The following OR52N4 variants were observed in gnomAD, a reference collection of about 807,000 sequenced individuals.
The protein encoded by OR52N4 is olfactory receptor family 52 subfamily N member 4.
Under a neutral mutation model 15.0 loss-of-function variants are expected in OR52N4, and 15 were observed. That is an observed-to-expected ratio of 1.00 (90% CI 0.67 to 1.54). The LOEUF (loss-of-function observed/expected upper bound fraction) is 1.54, where lower values mean the gene tolerates loss of function less well. Among genes scored for constraint, OR52N4 ranks in the 40% most tolerant of loss-of-function variants. The pLI is 0.00. For missense variants in OR52N4, 421 were observed against 394.0 expected (o/e 1.07, Z -0.58); for synonymous variants, 143 against 143.7 (o/e 1.00, Z 0.03).
rs754490565 is a variant in OR52N4, at chr11:5,755,319, T to C, written c.579T>C (p.Asn193=). ...CTGTAGCCAAATTGTCCTGTGGTAA[T>C]GTCAAGGTCAATGCCATCTATGGTC... ...HMSVAKLSCG[N]VKVNAIYGLM... is the part of the protein sequence containing the mutation. Residue 193 remains asparagine (N), a synonymous_variant, in exon 2 of 2, where the codon AAT becomes AAC. Coordinates refer to ENST00000641350, the MANE Select transcript of OR52N4 (RefSeq NM_001005175.5). The C allele has an allele frequency of 3.1e-6, 5 of 1,614,070 alleles. No homozygotes were observed. Among genetic ancestry groups the C allele is most frequent in the Non-Finnish European group, 3.4e-6 (4 of 1,179,968 alleles).
the OR52N4 span, among the ~76,000 whole-genome samples, chr11:5,747,510 G>C: frequency 6.6e-6 from 1 of 151,620 alleles, no homozygotes; most frequent in Non-Finnish European, 1.5e-5. Context: ...TTTCCACAAT[G>C]TATGTGTATA....
At chr11:5,744,717 A>C in the OR52N4 span, among the ~76,000 whole-genome samples, 12 of 152,174 alleles carry the variant, frequency 7.9e-5, no homozygotes, top group Non-Finnish European at 4.4e-5. Flanking sequence ...GTTCGAGACC[A>C]GCCTGGCCAC....
At chr11:5,743,676 T>G in the OR52N4 span, among the ~76,000 whole-genome samples, 1 of 152,160 alleles carries the variant, frequency 6.6e-6, no homozygotes, top group Non-Finnish European at 1.5e-5. Flanking sequence ...TTTTAAACAT[T>G]GAAACACATG....
chr11:5,744,965 T>G, the OR52N4 span, among the ~76,000 whole-genome samples: 1 of 152,010 alleles, frequency 6.6e-6, no homozygotes, highest in Admixed American at 6.6e-5. Context: ...TTTTAATACA[T>G]GTGGAAAAAG....
At chr11:5,741,353 G>T in the OR52N4 span, among the ~76,000 whole-genome samples, 3 of 152,222 alleles carry the variant, frequency 2.0e-5, no homozygotes, top group East Asian at 3.8e-4. Context: ...ACCCTGGTCA[G>T]AATTCCTGGA....
chr11:5,755,310 C>G lies in OR52N4; in HGVS notation c.570C>G (p.Ser190=). The G allele has an allele frequency of 6.2e-7, 1 of 1,614,006 alleles. No homozygotes were observed. The highest frequency in any genetic ancestry group is 8.5e-7 in the Non-Finnish European group (1 of 1,179,954). ...ACCACATGTCTGTAGCCAAATTGTC[C>G]TGTGGTAATGTCAAGGTCAATGCCA... ...YCDHMSVAKL[S]CGNVKVNAIY... Residue 190 remains serine, a synonymous_variant, in exon 2 of 2, where the codon TCC becomes TCG. Coordinates refer to ENST00000641350, the MANE Select transcript of OR52N4 (RefSeq NM_001005175.5).
upstream of OR52N4, among the ~76,000 whole-genome samples, chr11:5,750,616 T>A (rs988721755): frequency 6.6e-6 from 1 of 151,956 alleles, no homozygotes; most frequent in Non-Finnish European, 1.5e-5. Context: ...TCACTGTCAG[T>A]TATTTTGCTT....
chr11:5,747,292 G>T, the OR52N4 span, among the ~76,000 whole-genome samples: 2 of 151,494 alleles, frequency 1.3e-5, no homozygotes, highest in African/African-American at 4.8e-5. Flanking sequence ...AAAATAGACA[G>T]ACCTCCTATC....
chr11:5,733,228 T>C, the OR52N4 span, among the ~76,000 whole-genome samples: 1 of 152,278 alleles, frequency 6.6e-6, no homozygotes, highest in African/African-American at 2.4e-5. Flanking sequence ...CTGACCACTA[T>C]GACCTCAACA....
the OR52N4 span, among the ~76,000 whole-genome samples, chr11:5,735,530 G>C: frequency 6.6e-6 from 1 of 151,986 alleles, no homozygotes; most frequent in Non-Finnish European, 1.5e-5. Flanking sequence ...ATTTGCTCCA[G>C]GCAGGTTGCA....
At chr11:5,743,573 A>G in the OR52N4 span, among the ~76,000 whole-genome samples, 1 of 152,222 alleles carries the variant, frequency 6.6e-6, no homozygotes. Flanking sequence ...AATTAATACC[A>G]AAAGGAAGTC....
chr11:5,727,656 G>A, the OR52N4 span, among the ~76,000 whole-genome samples: 1 of 152,116 alleles, frequency 6.6e-6, no homozygotes, highest in Non-Finnish European at 1.5e-5. Context: ...GTAAACATGG[G>A]AAGATTCTTG....
the OR52N4 span, among the ~76,000 whole-genome samples, chr11:5,741,071 G>A: frequency 1.3e-4 from 18 of 142,430 alleles, 4 homozygotes; most frequent in Admixed American, 3.5e-4. Context: ...TAATAAAGAA[G>A]TTTATGCAGG....
At chr11:5,751,050 C>A (rs2134211264), upstream of OR52N4, among the ~76,000 whole-genome samples, 1 of 151,912 alleles carries the variant, frequency 6.6e-6, no homozygotes. Context: ...GGAAAAAAAA[C>A]AATTTGGTAC....
the OR52N4 span, among the ~76,000 whole-genome samples, chr11:5,739,378 A>C: frequency 4.0e-5 from 5 of 124,900 alleles, 2 homozygotes; most frequent in African/African-American, 1.4e-4. Context: ...GTGAGAACCT[A>C]TCTCTATAAA....
chr11:5,737,728 AT>A, the OR52N4 span: 1 of 398,840 alleles, frequency 2.5e-6, no homozygotes, highest in South Asian at 5.1e-5. Context: ...ATCAAATTGG[AT>A]TTAAAGAACT....
the OR52N4 span, chr11:5,737,610 A>T: frequency 1.1e-6 from 1 of 900,124 alleles, no homozygotes; most frequent in South Asian, 2.5e-5. Flanking sequence ...TTGTATGTAA[A>T]TAATTGTGAA....
At chr11:5,752,911 TAA>T (rs1414188382), upstream of OR52N4, among the ~76,000 whole-genome samples, 3 of 152,204 alleles carry the variant, frequency 2.0e-5, no homozygotes, top group African/African-American at 7.2e-5. Context: ...ACATCTATTT[TAA>T]GTCTTTCTAA....
upstream of OR52N4, among the ~76,000 whole-genome samples, chr11:5,752,686 C>G (rs935386811): frequency 6.6e-6 from 1 of 152,072 alleles, no homozygotes; most frequent in Non-Finnish European, 1.5e-5. Flanking sequence ...TACAATTAAT[C>G]CAATTACATG....
Sources: gnomAD v4.1 joint callset for allele counts (sites outside exome capture counted in the v4.1 genomes callset) on GRCh38, gnomAD v4.1.1 for gene constraint, MANE v1.5 for transcripts, NCBI Gene and HGNC (gene_info 2026-07-23, HGNC 2026-07-21) for gene names.